The following TMEM178B variants were observed in gnomAD, a reference collection of about 807,000 sequenced individuals.
TMEM178B encodes transmembrane protein 178B.
Under a neutral mutation model 31.0 loss-of-function variants are expected in TMEM178B, and 5 were observed. The ratio of observed to expected loss-of-function variants is 0.16; its 90% CI spans 0.08 to 0.34. The LOEUF is 0.34. TMEM178B is among the 10% of genes least tolerant of loss of function. The pLI, the probability that TMEM178B is intolerant of heterozygous loss-of-function variation, is 1.00. For missense variants in TMEM178B, 275 were observed against 400.3 expected, an observed-to-expected ratio of 0.69 and a Z score of 2.67; for synonymous variants, 164 against 164.0, an observed-to-expected ratio of 1.00 and a Z score of 0.00.
intron 3 of TMEM178B, among the ~76,000 whole-genome samples, chr7:141,462,075 T>C (rs896129039): frequency 7.2e-5 from 11 of 152,128 alleles, no homozygotes; most frequent in African/African-American, 2.2e-4. Context: ...ACTGATGTCG[T>C]CACTACAACA....
chr7:141,437,577 T>C, intron 2 of TMEM178B, 31 bp from the exon 3 acceptor site: 1 of 1,535,070 alleles, frequency 6.5e-7, no homozygotes, highest in Non-Finnish European at 8.7e-7. Context: ...CAGGCTCTGC[T>C]GCTGACTGTT....
At chr7:141,094,921 C>A (rs949988569) in intron 1 of TMEM178B, among the ~76,000 whole-genome samples, 1 of 152,164 alleles carries the variant, frequency 6.6e-6, no homozygotes, top group Non-Finnish European at 1.5e-5. Flanking sequence ...GAATCAATTT[C>A]TTTGTTATTA....
intron 1 of TMEM178B, among the ~76,000 whole-genome samples, chr7:141,184,984 A>C (rs1307769024): frequency 6.6e-6 from 1 of 152,210 alleles, no homozygotes; most frequent in African/African-American, 2.4e-5. Flanking sequence ...GGCCAGACAC[A>C]TCTAAAGCTC....
At chr7:141,452,833 C>A (rs1396625664) in intron 3 of TMEM178B, among the ~76,000 whole-genome samples, 2 of 152,232 alleles carry the variant, frequency 1.3e-5, no homozygotes, top group African/African-American at 4.8e-5. Flanking sequence ...TTCTAAAGTA[C>A]ACTTACATCA....
chr7:141,199,777 C>T (rs1481039456), intron 1 of TMEM178B, among the ~76,000 whole-genome samples: 10 of 152,078 alleles, frequency 6.6e-5, no homozygotes, highest in African/African-American at 2.2e-4. Flanking sequence ...TTTGGCAGGG[C>T]GCAGTGGCTC....
At chr7:141,160,935 G>GC (rs1425469502) in intron 1 of TMEM178B, among the ~76,000 whole-genome samples, 1 of 152,124 alleles carries the variant, frequency 6.6e-6, no homozygotes, top group African/African-American at 2.4e-5. Context: ...TTGGCTCACT[G>GC]CAACTTCCAC....
chr7:141,112,220 T>C (rs563442828), intron 1 of TMEM178B, among the ~76,000 whole-genome samples: 6 of 152,262 alleles, frequency 3.9e-5, no homozygotes, highest in African/African-American at 1.4e-4. Flanking sequence ...CCTCATGAAC[T>C]CATGAAGTCT....
chr7:141,095,006 A>G (rs1343324542), intron 1 of TMEM178B, among the ~76,000 whole-genome samples: 2 of 152,362 alleles, frequency 1.3e-5, no homozygotes, highest in African/African-American at 2.4e-5. Flanking sequence ...TTTCTACATT[A>G]ATATAGAAAT....
At chr7:141,434,914 C>A (rs557551358) in intron 2 of TMEM178B, among the ~76,000 whole-genome samples, 1 of 152,298 alleles carries the variant, frequency 6.6e-6, no homozygotes, top group South Asian at 2.1e-4. Flanking sequence ...CCAGTTCCAT[C>A]CAGGTTGCTG....
chr7:141,487,741 CAAAAA>C, the TMEM178B span, among the ~76,000 whole-genome samples: 27 of 30,258 alleles, frequency 8.9e-4, no homozygotes, highest in African/African-American at 1.9e-3. Context: ...GACTCCGTCT[CAAAAA>C]AAAAAAAAAA....
At chr7:141,097,610 C>T (rs2129173100) in intron 1 of TMEM178B, among the ~76,000 whole-genome samples, 1 of 151,930 alleles carries the variant, frequency 6.6e-6, no homozygotes, top group Non-Finnish European at 1.5e-5. Context: ...TAGAGCGATA[C>T]GGGGTCTGTC....
chr7:141,086,833 A>G (rs1586760407), intron 1 of TMEM178B, among the ~76,000 whole-genome samples: 1 of 152,072 alleles, frequency 6.6e-6, no homozygotes, highest in African/African-American at 2.4e-5. Context: ...GATTACAGGC[A>G]CCTGCCACCA....
chr7:141,341,822 G>T (rs1481989135), intron 2 of TMEM178B, among the ~76,000 whole-genome samples: 1 of 152,016 alleles, frequency 6.6e-6, no homozygotes, highest in African/African-American at 2.4e-5. Context: ...CTTTCCATTA[G>T]CCCTGTTCTA....
chr7:141,248,972 T>C (rs1465368144), intron 2 of TMEM178B, among the ~76,000 whole-genome samples: 3 of 152,266 alleles, frequency 2.0e-5, no homozygotes, highest in Non-Finnish European at 4.4e-5. Context: ...TGCTCAGAGC[T>C]GGGTCTCTCC....
At chr7:141,297,352 A>T (rs1010922422) in intron 2 of TMEM178B, among the ~76,000 whole-genome samples, 3 of 152,018 alleles carry the variant, frequency 2.0e-5, no homozygotes, top group African/African-American at 7.2e-5. Context: ...TGCTTCTTTT[A>T]TTATTATTAT....
chr7:141,120,183 T>C (rs1049761041), intron 1 of TMEM178B, among the ~76,000 whole-genome samples: 1 of 152,204 alleles, frequency 6.6e-6, no homozygotes, highest in African/African-American at 2.4e-5. Context: ...GTCTCAACTC[T>C]TCCCTTTAGA....
chr7:141,150,426 C>G (rs1045632651), intron 1 of TMEM178B, among the ~76,000 whole-genome samples: 1 of 152,196 alleles, frequency 6.6e-6, no homozygotes, highest in African/African-American at 2.4e-5. Context: ...TATTTTGAAG[C>G]TCTTTCTATC....
chr7:141,121,406 C>T (rs1241471420), intron 1 of TMEM178B, among the ~76,000 whole-genome samples: 1 of 152,186 alleles, frequency 6.6e-6, no homozygotes, highest in Non-Finnish European at 1.5e-5. Flanking sequence ...TTTGCAGAGC[C>T]CTCTTTCTTC....
In TMEM178B at chr7:141,476,182, T is replaced by C. The variant is rs575423819; in HGVS notation, c.*5396T>C. The C allele has an allele frequency of 3.3e-5, 5 of 152,364 alleles. No homozygotes were observed. The highest frequency in any genetic ancestry group is 9.6e-5 in the African/African-American group (4 of 41,584). The allele number at this position is 152,364 out of a possible 1,614,324, so 9.4% of individuals were successfully genotyped here. A position where few individuals can be genotyped will look rare whatever the true frequency, so the allele number is the denominator to read the frequency against. ...CAGAGTGCAAGGTCATCTTTGTTGC[T>C]GAACAGGGCTGGACCTGTCGCACTT... On this transcript the variant is annotated 3_prime_UTR_variant, in exon 4 of 4. Coordinates refer to ENST00000565468, the MANE Select transcript of TMEM178B (RefSeq NM_001195278.2).
Sources: gnomAD v4.1 joint callset for allele counts (sites outside exome capture counted in the v4.1 genomes callset) on GRCh38, gnomAD v4.1.1 for gene constraint, MANE v1.5 for transcripts, NCBI Gene and HGNC (gene_info 2026-07-23, HGNC 2026-07-21) for gene names.